Variants in PDCD6IP observed in about 807,000 individuals in gnomAD.
PDCD6IP encodes the protein programmed cell death 6 interacting protein, also known as programmed cell death 6-interacting protein.
PDCD6IP carries 43 observed loss-of-function variants against 103.7 expected under a neutral mutation model. That is an observed-to-expected ratio of 0.41 (90% CI 0.32 to 0.53). PDCD6IP has a LOEUF of 0.53. Among genes scored for constraint, PDCD6IP ranks in the 20% least tolerant of loss-of-function variants. The pLI is 0.16. For synonymous variants in PDCD6IP, 354 were observed against 378.7 expected (o/e 0.93, Z 0.76); for missense variants, 871 against 1,036.7 (o/e 0.84, Z 2.20).
intron 12 of PDCD6IP, among the ~76,000 whole-genome samples, chr3:33,849,257 A>G (rs1697663184): frequency 6.6e-6 from 1 of 151,592 alleles, no homozygotes; most frequent in Admixed American, 6.6e-5. Flanking sequence ...TGATCCTGCC[A>G]AGCTTGTGCC....
chr3:33,835,257 C>T, intron 7 of PDCD6IP: 1 of 456,538 alleles, frequency 2.2e-6, no homozygotes, highest in Non-Finnish European at 4.4e-6. Context: ...TTTTCAGATC[C>T]ACCCTTTCAC....
chr3:33,807,803 G>C (rs1696630478), intron 1 of PDCD6IP, among the ~76,000 whole-genome samples: 1 of 152,236 alleles, frequency 6.6e-6, no homozygotes, highest in South Asian at 2.1e-4. Flanking sequence ...TATATAAGTA[G>C]TTACATACTT....
chr3:33,861,905 C>G (rs889617827), intron 15 of PDCD6IP, among the ~76,000 whole-genome samples: 1 of 152,116 alleles, frequency 6.6e-6, no homozygotes, highest in Non-Finnish European at 1.5e-5. Flanking sequence ...GCTTTACTTT[C>G]TTTTGACTAA....
intron 6 of PDCD6IP, chr3:33,827,932 T>A (rs1697165504): frequency 1.3e-5 from 2 of 152,194 alleles, no homozygotes; most frequent in Non-Finnish European, 2.9e-5. Flanking sequence ...TAGGAAATTA[T>A]TCCCTGGGAG....
intron 1 of PDCD6IP, among the ~76,000 whole-genome samples, chr3:33,801,634 AAAC>A (rs979514639): frequency 6.6e-5 from 10 of 152,090 alleles, no homozygotes; most frequent in Admixed American, 3.3e-4. Context: ...AAACAAAACA[AAAC>A]AACAACAACA....
Position 33,852,475 on chromosome 3 carries a change from C to CTTTT in PDCD6IP, c.1642-10_1642-7dup. 1.3e-6 allele frequency: 1 copy of CTTTT among 792,916 alleles called. No individual in the cohort carries two copies. Among genetic ancestry groups the CTTTT allele is most frequent in the Non-Finnish European group, 1.6e-6 (1 of 630,338 alleles). 49.1% of individuals were successfully genotyped at this position (792,916 alleles called of 1,614,324 possible). ...TTTTTTTGCAGTTAAACTAAGGTGT[C>CTTTT]TTTTTTGTTTAGGTTGTAAATGTCT... On this transcript the variant is annotated splice_polypyrimidine_tract_variant and intron_variant, in intron 12 of 17. Coordinates refer to ENST00000307296, the MANE Select transcript of PDCD6IP (RefSeq NM_013374.6).
intron 3 of PDCD6IP, among the ~76,000 whole-genome samples, chr3:33,816,091 G>C (rs999772698): frequency 6.6e-6 from 1 of 152,188 alleles, no homozygotes; most frequent in South Asian, 2.1e-4. Flanking sequence ...CCCAAACCTG[G>C]CTGCGTATTA....
chr3:33,851,423 A>G, intron 12 of PDCD6IP, among the ~76,000 whole-genome samples: 1 of 152,130 alleles, frequency 6.6e-6, no homozygotes, highest in East Asian at 1.9e-4. Context: ...TCAGGTGGGT[A>G]TAGGTCAGAG....
Position 33,852,512 on chromosome 3 carries a change from T to C in PDCD6IP, c.1666T>C (p.Leu556=), listed in dbSNP as rs773126755. The C allele has an allele frequency of 1.3e-6, 2 of 1,566,586 alleles. No individual in the cohort carries two copies. Among genetic ancestry groups the C allele is most frequent in the African/African-American group, 2.8e-5 (2 of 71,930 alleles). The change falls in exon 13 of 18, where the codon TTG becomes CTG. Residue 556 remains leucine (L), a synonymous_variant. Coordinates refer to ENST00000307296, the MANE Select transcript of PDCD6IP (RefSeq NM_013374.6). The stretch of plus-strand genomic sequence containing the variant: ...GGTTGTAAATGTCTTAAAATCCTTA[T>C]TGTCAAATCTTGATGAAGTAAAGAA... ...SEVVNVLKSL[L]SNLDEVKKER...
chr3:33,856,291 A>G (rs1008004186), intron 15 of PDCD6IP, among the ~76,000 whole-genome samples: 5 of 152,320 alleles, frequency 3.3e-5, no homozygotes, highest in African/African-American at 1.2e-4. Context: ...GAACTGCAGG[A>G]ATATGGTAAG....
intron 1 of PDCD6IP, among the ~76,000 whole-genome samples, chr3:33,804,057 CGTT>C (rs1439797227): frequency 6.6e-6 from 1 of 152,116 alleles, no homozygotes; most frequent in African/African-American, 2.4e-5. Flanking sequence ...TTTGGATTCT[CGTT>C]GTTGGTTTGG....
In PDCD6IP at chr3:33,838,419, T is replaced by C. The variant is rs1301066394; in HGVS notation, c.1181+92T>C. ...TAGTTTCTGAGCTTAGAGCTAAATG[T>C]CAAGAGTATATAAAATAGAAAATGT... On this transcript the variant is annotated intron_variant, in intron 9 of 17. Coordinates refer to ENST00000307296, the MANE Select transcript of PDCD6IP (RefSeq NM_013374.6). The C allele has an allele frequency of 2.5e-6, 3 of 1,181,218 alleles. No homozygotes were observed. In the East Asian group the frequency reaches 7.1e-5, roughly 28 times the overall value. 73.2% of individuals were successfully genotyped at this position (1,181,218 alleles called of 1,614,324 possible). A position where few individuals can be genotyped will look rare whatever the true frequency, so the allele number is the denominator to read the frequency against.
chr3:33,801,775 A>G (rs1274599413), intron 1 of PDCD6IP, among the ~76,000 whole-genome samples: 4 of 152,128 alleles, frequency 2.6e-5, no homozygotes. Context: ...TTTATTTTGT[A>G]TTTTATTTGA....
chr3:33,814,611 A>G (rs377402673), intron 3 of PDCD6IP, among the ~76,000 whole-genome samples: 86 of 147,546 alleles, frequency 5.8e-4, no homozygotes, highest in African/African-American at 1.9e-3. Flanking sequence ...TGTATTATAT[A>G]TGCACATATA....
intron 2 of PDCD6IP, chr3:33,813,355 C>A (rs181593845): frequency 2.2e-6 from 1 of 454,048 alleles, no homozygotes; most frequent in Non-Finnish European, 3.9e-6. Context: ...GCAGAATGAC[C>A]ATTTGAAATA....
At position 33,866,670 on chromosome 3, in the gene PDCD6IP, A is replaced by G; in HGVS notation, c.*145A>G. On this transcript the variant is annotated 3_prime_UTR_variant, in exon 18 of 18. Coordinates refer to ENST00000307296, the MANE Select transcript of PDCD6IP (RefSeq NM_013374.6). ...TGTATAATTTCTGTCTACAGCTAGAAGCTGTGCCCCAGTTCCACATTTGAT... is the reference window on the plus strand; with the variant it reads ...TGTATAATTTCTGTCTACAGCTAGAGGCTGTGCCCCAGTTCCACATTTGAT... 1.8e-6 allele frequency: 1 copy of G among 552,182 alleles called. No homozygotes were observed. Among genetic ancestry groups the G allele is most frequent in the Non-Finnish European group, 2.9e-6 (1 of 345,334 alleles). The allele number at this position is 552,182 out of a possible 1,614,324, so 34.2% of individuals were successfully genotyped here. A position where few individuals can be genotyped will look rare whatever the true frequency, so the allele number is the denominator to read the frequency against.
At chr3:33,841,682 C>T (rs1368120238) in intron 9 of PDCD6IP, among the ~76,000 whole-genome samples, 2 of 151,958 alleles carry the variant, frequency 1.3e-5, no homozygotes, top group Non-Finnish European at 2.9e-5. Flanking sequence ...TCGTGATCCT[C>T]CCGCCTCGGC....
intron 3 of PDCD6IP, among the ~76,000 whole-genome samples, chr3:33,818,605 G>A (rs1337829003): frequency 3.1e-5 from 4 of 129,770 alleles, no homozygotes; most frequent in Non-Finnish European, 4.6e-5. Flanking sequence ...TGCAACCTCC[G>A]CCTCCAAGGT....
chr3:33,809,443 T>C (rs1331032438), intron 1 of PDCD6IP, among the ~76,000 whole-genome samples: 1 of 152,228 alleles, frequency 6.6e-6, no homozygotes, highest in African/African-American at 2.4e-5. Context: ...TATCCTGAGA[T>C]GAGGCTGGAG....
Sources: allele counts gnomAD v4.1 joint callset (sites outside exome capture counted in the v4.1 genomes callset), GRCh38; gene constraint gnomAD v4.1.1; transcripts MANE v1.5; gene names NCBI Gene and HGNC (gene_info 2026-07-23, HGNC 2026-07-21).